RBFOX1: variants seen among roughly 807,000 people sequenced by gnomAD.
The protein encoded by RBFOX1 is RNA binding fox-1 homolog 1.
RBFOX1 carries 8 observed loss-of-function variants against 57.7 expected under a neutral mutation model. The ratio of observed to expected loss-of-function variants is 0.14; its 90% CI spans 0.08 to 0.25. RBFOX1 has a LOEUF of 0.25. Among genes scored for constraint, RBFOX1 ranks in the 10% least tolerant of loss-of-function variants. RBFOX1 has a pLI of 1.00. For missense variants in RBFOX1, 611 were observed against 548.5 expected (o/e 1.11, Z -1.14); for synonymous variants, 326 against 222.4 (o/e 1.47, Z -4.15).
chr16:5,560,889 T>C (rs1471609648), intron 2 of RBFOX1, among the ~76,000 whole-genome samples: 5 of 152,202 alleles, frequency 3.3e-5, no homozygotes, highest in Non-Finnish European at 7.3e-5. Flanking sequence ...GGTGCCTAGG[T>C]CCTGCTGTGA....
chr16:6,786,571 C>A (rs994691930), intron 3 of RBFOX1, among the ~76,000 whole-genome samples: 32 of 152,172 alleles, frequency 2.1e-4, no homozygotes, highest in African/African-American at 7.5e-4. Context: ...AAAAACCTCT[C>A]CAAAAATTAA....
At chr16:6,071,302 CAG>C (rs1257879083) in intron 1 of RBFOX1, among the ~76,000 whole-genome samples, 1 of 152,156 alleles carries the variant, frequency 6.6e-6, no homozygotes, top group East Asian at 1.9e-4. Flanking sequence ...GCCTGGATGA[CAG>C]AGTGAGACCC....
intron 3 of RBFOX1, among the ~76,000 whole-genome samples, chr16:6,949,603 C>G (rs1490454988): frequency 6.6e-6 from 1 of 151,968 alleles, no homozygotes; most frequent in Non-Finnish European, 1.5e-5. Context: ...CTACGTGCAT[C>G]TTGGATATCT....
chr16:5,655,018 C>A (rs1052721956), intron 3 of RBFOX1, among the ~76,000 whole-genome samples: 1 of 152,314 alleles, frequency 6.6e-6, no homozygotes, highest in African/African-American at 2.4e-5. Context: ...GTCCAGCCTA[C>A]GCTTCCTACC....
intron 2 of RBFOX1, among the ~76,000 whole-genome samples, chr16:6,638,675 C>A (rs1011413309): frequency 6.6e-6 from 1 of 152,118 alleles, no homozygotes; most frequent in Non-Finnish European, 1.5e-5. Context: ...CCAAATATTA[C>A]ACATTTAATG....
intron 1 of RBFOX1, among the ~76,000 whole-genome samples, chr16:6,263,554 C>T (rs562044119): frequency 1.5e-4 from 23 of 152,252 alleles, no homozygotes; most frequent in African/African-American, 5.5e-4. Flanking sequence ...TCCATTCTGA[C>T]AGATGTGGCA....
At chr16:6,146,669 A>G (rs2096760663) in intron 1 of RBFOX1, among the ~76,000 whole-genome samples, 1 of 152,190 alleles carries the variant, frequency 6.6e-6, no homozygotes, top group African/African-American at 2.4e-5. Context: ...CAAAAGTAAA[A>G]GGGCAAACTT....
At chr16:5,833,025 A>G (rs1057349719) in intron 3 of RBFOX1, among the ~76,000 whole-genome samples, 3 of 152,190 alleles carry the variant, frequency 2.0e-5, no homozygotes, top group African/African-American at 4.8e-5. Flanking sequence ...CCCAAAATGC[A>G]TAGGCACAAT....
intron 2 of RBFOX1, among the ~76,000 whole-genome samples, chr16:5,478,132 G>A (rs554119340): frequency 2.6e-5 from 4 of 152,130 alleles, no homozygotes; most frequent in Non-Finnish European, 4.4e-5. Context: ...CCCTGATTCC[G>A]CAGCCAAATG....
Position 6,662,103 on chromosome 16 carries a change from G to A in RBFOX1, c.-16+7453G>A, listed in dbSNP as rs541009200. 3.4e-5 allele frequency among the ~76,000 whole-genome samples: 5 copies of A among 146,172 alleles called. No individual in the cohort carries two copies. The South Asian group carries it at 9.0e-4, about 26-fold the overall frequency. On this transcript the variant is annotated intron_variant, in intron 3 of 15. Coordinates refer to ENST00000550418, the MANE Select transcript of RBFOX1 (RefSeq NM_018723.4). ...AAAGTGAAACTCAAAGAAGCAGAGA[G>A]TAGGATGGTGGTTGCCGAGGGCTGG...
rs9933570 is a variant in RBFOX1 at position 7,501,213 on chromosome 16, A to G, written c.28-16934A>G. On this transcript the variant is annotated intron_variant, in intron 4 of 15. Transcript: ENST00000550418. The stretch of plus-strand genomic sequence containing the variant: ...ATGATCATTTGTCCTATTTACCTAA[A>G]GTGACTACTTGTTTCCTCTGCTTAT... Among the ~76,000 whole-genome samples the G allele has an allele frequency of 4.5e-3, 688 of 152,332 alleles. 3 individuals are homozygous for G. The highest frequency in any genetic ancestry group is 0.017 in the Middle Eastern group (5 of 294).
chr16:6,762,916 G>A (rs778105757), intron 3 of RBFOX1, among the ~76,000 whole-genome samples: 10 of 152,172 alleles, frequency 6.6e-5, no homozygotes, highest in Non-Finnish European at 1.2e-4. Flanking sequence ...GAGAAAGGTA[G>A]CATCTGAGCT....
chr16:7,436,642 C>T (rs763036281), intron 4 of RBFOX1, among the ~76,000 whole-genome samples: 1 of 152,194 alleles, frequency 6.6e-6, no homozygotes, highest in African/African-American at 2.4e-5. Flanking sequence ...CAGGCATTTG[C>T]GGAGGATCAC....
chr16:6,956,446 A>G (rs559726577), intron 3 of RBFOX1, among the ~76,000 whole-genome samples: 5 of 152,286 alleles, frequency 3.3e-5, no homozygotes, highest in Non-Finnish European at 5.9e-5. Flanking sequence ...AGAGTAAGCT[A>G]CATGCTGGGC....
chr16:6,034,356 AAGAAAAG>A (rs2095335263), intron 1 of RBFOX1, among the ~76,000 whole-genome samples: 2 of 136,506 alleles, frequency 1.5e-5, no homozygotes, highest in African/African-American at 2.7e-5. Context: ...AAAAAAAAAA[AAGAAAAG>A]AAAAGAAAAG....
rs1322264346 is a variant in RBFOX1, at chr16:7,579,674, C to G, written c.271-103C>G. 1.8e-5 allele frequency: 26 copies of G among 1,425,324 alleles called. No individual in the cohort carries two copies. In the East Asian group the frequency reaches 6.0e-4, roughly 33 times the overall value. The allele number at this position is 1,425,324 out of a possible 1,614,324, so 88.3% of individuals were successfully genotyped here. On this transcript the variant is annotated intron_variant, in intron 5 of 15. Coordinates refer to ENST00000550418, the MANE Select transcript of RBFOX1 (RefSeq NM_018723.4). ...AGCATTTTCTTCCCTTCTCAGATTG[C>G]TTAGTTCTGATCTTTTCCTGCCACT...
In RBFOX1 at chr16:7,453,584, C is replaced by T. The variant is rs147947675; in HGVS notation, c.28-64563C>T. ...CCAGGAGCTCTGAGAAAACAAATGG[C>T]ACTTTGATGAGCAGGCACTGTATAT... On this transcript the variant is annotated intron_variant, in intron 4 of 15. Transcript: ENST00000550418. Among the ~76,000 whole-genome samples the T allele has an allele frequency of 1.4e-3, 210 of 152,252 alleles. 1 individual carries two copies. Among genetic ancestry groups the T allele is most frequent in the African/African-American group, 4.9e-3 (204 of 41,528 alleles).
chr16:6,131,980 A>G (rs529372686), intron 1 of RBFOX1, among the ~76,000 whole-genome samples: 1 of 152,312 alleles, frequency 6.6e-6, no homozygotes, highest in Non-Finnish European at 1.5e-5. Context: ...TGCCTTCGTG[A>G]TGATTTGAGC....
At chr16:5,330,994 A>T (rs1000264905) in intron 1 of RBFOX1, among the ~76,000 whole-genome samples, 2 of 151,538 alleles carry the variant, frequency 1.3e-5, no homozygotes, top group African/African-American at 4.8e-5. Context: ...TTTTTTTCCA[A>T]TTAAATTTAA....
Sources: gnomAD v4.1 joint callset for allele counts (sites outside exome capture counted in the v4.1 genomes callset) on GRCh38, gnomAD v4.1.1 for gene constraint, MANE v1.5 for transcripts, NCBI Gene and HGNC (gene_info 2026-07-23, HGNC 2026-07-21) for gene names.